CLASP1: variants seen among roughly 807,000 people sequenced by gnomAD.
The protein encoded by CLASP1 is cytoplasmic linker associated protein 1.
A neutral mutation model predicts 192.3 loss-of-function variants in CLASP1; 38 were observed. The observed-to-expected ratio is 0.20, with a 90% CI of 0.15 to 0.26. CLASP1 has a LOEUF of 0.26. CLASP1 is among the 10% of genes least tolerant of loss of function. The pLI, the probability that CLASP1 is intolerant of heterozygous loss-of-function variation, is 1.00. For missense variants in CLASP1, 1,433 were observed against 1,932.5 expected, an observed-to-expected ratio of 0.74 and a Z score of 4.85; for synonymous variants, 691 against 712.8, an observed-to-expected ratio of 0.97 and a Z score of 0.49.
intron 2 of CLASP1, among the ~76,000 whole-genome samples, chr2:121,542,905 TG>T (rs1214647458): frequency 3.9e-5 from 6 of 152,270 alleles, no homozygotes; most frequent in Non-Finnish European, 1.5e-5. Flanking sequence ...TAAAATACAA[TG>T]AGAAGCAGAG....
At chr2:121,578,169 G>A (rs570491594) in intron 2 of CLASP1, among the ~76,000 whole-genome samples, 3 of 151,840 alleles carry the variant, frequency 2.0e-5, no homozygotes, top group African/African-American at 7.3e-5. Flanking sequence ...ATTAGCTCAC[G>A]CAATCCGCCC....
intron 24 of CLASP1, chr2:121,407,951 T>C (rs2149493978): frequency 8.1e-6 from 5 of 619,584 alleles, no homozygotes; most frequent in South Asian, 1.5e-5. Flanking sequence ...TCTAGTAAAG[T>C]GCGTAGACTT....
chr2:121,580,286 C>T (rs527867521), intron 2 of CLASP1, among the ~76,000 whole-genome samples: 2 of 152,218 alleles, frequency 1.3e-5, no homozygotes, highest in Non-Finnish European at 2.9e-5. Context: ...CTTCATGTAG[C>T]AGACAACATA....
Position 121,425,133 on chromosome 2 carries a change from C to T in CLASP1, c.2212+6G>A, listed in dbSNP as rs2080171862. ...ATGGTATTCCAAGATCTTTGAGAATCCTTACCTAATCCTATTCGGTTTGGA... is the reference window on the plus strand; with the variant it reads ...ATGGTATTCCAAGATCTTTGAGAATTCTTACCTAATCCTATTCGGTTTGGA... On this transcript the variant is annotated splice_donor_region_variant and intron_variant, in intron 22 of 39. Coordinates refer to ENST00000263710, the Ensembl canonical transcript of CLASP1. The T allele has an allele frequency of 6.2e-7, 1 of 1,600,172 alleles. No homozygotes were observed. The highest frequency in any genetic ancestry group is 1.1e-5 in the South Asian group (1 of 88,660).
intron 9 of CLASP1, among the ~76,000 whole-genome samples, chr2:121,465,490 A>T (rs1175392622): frequency 1.3e-5 from 2 of 152,244 alleles, no homozygotes; most frequent in Non-Finnish European, 2.9e-5. Context: ...TTTAAGGAGA[A>T]CTACAAACCA....
chr2:121,619,236 T>C (rs780349859), intron 1 of CLASP1, among the ~76,000 whole-genome samples: 6 of 152,218 alleles, frequency 3.9e-5, no homozygotes, highest in Non-Finnish European at 7.3e-5. Flanking sequence ...TTAACATTGG[T>C]TAACTTTCAG....
rs564887234 is a variant in CLASP1 at position 121,427,538 on chromosome 2, T to C, written c.2018-108A>G. The stretch of plus-strand genomic sequence containing the variant: ...CAACACAAAGGTCTTTGTTCACAAA[T>C]ACATTAGCAAAACAGCTATATTTCC... On this transcript the variant is annotated intron_variant, in intron 20 of 39. Transcript: ENST00000263710. 2.6e-6 allele frequency: 3 copies of C among 1,135,670 alleles called. No homozygotes were observed. In the East Asian group the frequency reaches 7.5e-5, roughly 28 times the overall value. 70.3% of individuals were successfully genotyped at this position (1,135,670 alleles called of 1,614,324 possible).
intron 7 of CLASP1, among the ~76,000 whole-genome samples, chr2:121,512,810 T>C (rs1444900565): frequency 6.6e-6 from 1 of 152,230 alleles, no homozygotes; most frequent in African/African-American, 2.4e-5. Context: ...TCACCACGTA[T>C]TTCTTAGAGA....
chr2:121,357,040 C>G (rs1423164073), intron 37 of CLASP1, among the ~76,000 whole-genome samples: 1 of 152,154 alleles, frequency 6.6e-6, no homozygotes, highest in Non-Finnish European at 1.5e-5. Context: ...CTTTGGCATT[C>G]TAATTCCGGT....
Position 121,628,180 on chromosome 2 carries a change from A to G in CLASP1, c.-286+21192T>C, listed in dbSNP as rs889848300. Among the ~76,000 whole-genome samples, 40 of 152,232 alleles carry G rather than the reference A, an allele frequency of 2.6e-4. 1 individual carries two copies. Among genetic ancestry groups the G allele is most frequent in the Admixed American group, 2.2e-3 (34 of 15,284 alleles). On this transcript the variant is annotated intron_variant, in intron 1 of 39. Coordinates refer to ENST00000263710, the Ensembl canonical transcript of CLASP1. ...AAAAAAAATTCCAAAAGAAAAGCGC[A>G]AAAAGAGAGCTGTGCCTTAACAATG...
At chr2:121,443,128 C>T (rs1356489961) in intron 19 of CLASP1, among the ~76,000 whole-genome samples, 1 of 152,140 alleles carries the variant, frequency 6.6e-6, no homozygotes, top group Non-Finnish European at 1.5e-5. Flanking sequence ...CTGACACTCC[C>T]TATGCTTCTT....
chr2:121,529,968 C>T (rs2094714075), intron 3 of CLASP1, among the ~76,000 whole-genome samples: 1 of 152,034 alleles, frequency 6.6e-6, no homozygotes, highest in Non-Finnish European at 1.5e-5. Flanking sequence ...ACAGTGAAGC[C>T]AGTACAAAGG....
intron 14 of CLASP1, among the ~76,000 whole-genome samples, chr2:121,452,596 G>A (rs6721567): frequency 0.2 from 30,450 of 151,988 alleles, 5,730 homozygotes; most frequent in African/African-American, 0.49. Flanking sequence ...TTCAAGACCA[G>A]CCTGGCTAAC....
intron 29 of CLASP1, among the ~76,000 whole-genome samples, chr2:121,397,876 A>G (rs528552099): frequency 6.6e-6 from 1 of 152,378 alleles, no homozygotes; most frequent in East Asian, 1.9e-4. Flanking sequence ...TTGTTATTAC[A>G]GGTATGATTT....
intron 37 of CLASP1, among the ~76,000 whole-genome samples, chr2:121,349,812 A>G (rs1211532995): frequency 6.6e-6 from 1 of 152,206 alleles, no homozygotes; most frequent in East Asian, 1.9e-4. Context: ...ATAAAGATGG[A>G]AGCAAAATGC....
At chr2:121,554,169 T>C (rs1359923601) in intron 2 of CLASP1, among the ~76,000 whole-genome samples, 2 of 151,808 alleles carry the variant, frequency 1.3e-5, no homozygotes, top group Non-Finnish European at 2.9e-5. Flanking sequence ...TGAGCCATGA[T>C]CACCCACTGC....
intron 1 of CLASP1, among the ~76,000 whole-genome samples, chr2:121,610,206 G>T (rs1470847964): frequency 1.3e-5 from 2 of 152,136 alleles, no homozygotes; most frequent in African/African-American, 4.8e-5. Context: ...AGGAGGAAGA[G>T]GAGCTGGAGG....
chr2:121,411,652 TAAAC>T (rs2077723686), intron 23 of CLASP1, among the ~76,000 whole-genome samples: 1 of 152,142 alleles, frequency 6.6e-6, no homozygotes, highest in African/African-American at 2.4e-5. Context: ...TTTATACAGA[TAAAC>T]AAATAATAGA....
At chr2:121,474,722 C>T (rs1246617054) in intron 8 of CLASP1, among the ~76,000 whole-genome samples, 2 of 151,956 alleles carry the variant, frequency 1.3e-5, no homozygotes, top group Admixed American at 6.6e-5. Context: ...GGTGACAGAG[C>T]GAGACTCCGT....
Sources: allele counts gnomAD v4.1 joint callset (sites outside exome capture counted in the v4.1 genomes callset), GRCh38; gene constraint gnomAD v4.1.1; transcripts MANE v1.5; gene names NCBI Gene and HGNC (gene_info 2026-07-23, HGNC 2026-07-21).